HOMER1: variants seen among roughly 807,000 people sequenced by gnomAD.
HOMER1 encodes the protein homer scaffold protein 1.
In HOMER1, 3 loss-of-function variants were observed where a neutral mutation model predicts 48.9. That is an observed-to-expected ratio of 0.06 (90% CI 0.03 to 0.16). The LOEUF (loss-of-function observed/expected upper bound fraction) is 0.16, where lower values mean the gene tolerates loss of function less well. Ranked by LOEUF, HOMER1 falls within the 10% of genes least tolerant of loss-of-function variation. HOMER1 has a pLI of 1.00. For missense variants in HOMER1, 247 were observed against 411.4 expected (o/e 0.60, Z 3.46); for synonymous variants, 134 against 146.4 (o/e 0.92, Z 0.61).
At chr5:79,433,887 G>A (rs1161046255) in intron 5 of HOMER1, among the ~76,000 whole-genome samples, 4 of 152,064 alleles carry the variant, frequency 2.6e-5, no homozygotes, top group Admixed American at 6.6e-5. Context: ...TAATATTTCT[G>A]CATACATCCT....
At chr5:79,425,084 T>C (rs1350966310) in intron 5 of HOMER1, among the ~76,000 whole-genome samples, 1 of 152,040 alleles carries the variant, frequency 6.6e-6, no homozygotes, top group Non-Finnish European at 1.5e-5. Flanking sequence ...AATTTTCATG[T>C]TTCTTCCATG....
chr5:79,479,297 C>T (rs538333654), intron 1 of HOMER1, among the ~76,000 whole-genome samples: 1 of 152,096 alleles, frequency 6.6e-6, no homozygotes, highest in Non-Finnish European at 1.5e-5. Flanking sequence ...AGACCTAGAA[C>T]CTGTGAATGT....
intron 1 of HOMER1, among the ~76,000 whole-genome samples, chr5:79,479,547 G>A (rs532956601): frequency 6.6e-6 from 1 of 152,304 alleles, no homozygotes. Flanking sequence ...TGCAGTTCTA[G>A]AAGCTAGAAA....
At chr5:79,473,286 T>A (rs946633485) in intron 1 of HOMER1, among the ~76,000 whole-genome samples, 1 of 152,188 alleles carries the variant, frequency 6.6e-6, no homozygotes, top group South Asian at 2.1e-4. Context: ...CAACACAAAT[T>A]TGTAAACTTT....
At chr5:79,471,639 C>T (rs1384902674) in intron 1 of HOMER1, among the ~76,000 whole-genome samples, 2 of 151,410 alleles carry the variant, frequency 1.3e-5, no homozygotes, top group Non-Finnish European at 2.9e-5. Flanking sequence ...CATTAGAAAT[C>T]AGCTTCCGTG....
At chr5:79,400,085 A>ATTT (rs5868992) in intron 6 of HOMER1, among the ~76,000 whole-genome samples, 1 of 151,206 alleles carries the variant, frequency 6.6e-6, no homozygotes. Context: ...ATTGTCATAA[A>ATTT]TTTTTTTTTG....
intron 2 of HOMER1, among the ~76,000 whole-genome samples, chr5:79,452,733 C>T (rs566212369): frequency 1.3e-5 from 2 of 152,184 alleles, no homozygotes; most frequent in African/African-American, 2.4e-5. Context: ...TTCTCTCAGA[C>T]AGAAGATGTG....
At chr5:79,391,367 C>A (rs1749246060) in intron 8 of HOMER1, among the ~76,000 whole-genome samples, 1 of 151,730 alleles carries the variant, frequency 6.6e-6, no homozygotes, top group Non-Finnish European at 1.5e-5. Context: ...TGGGCCCAAG[C>A]AATCTTCCCG....
At chr5:79,452,348 A>G (rs577865541) in intron 2 of HOMER1, among the ~76,000 whole-genome samples, 1 of 152,352 alleles carries the variant, frequency 6.6e-6, no homozygotes, top group South Asian at 2.1e-4. Flanking sequence ...TCACCATAAT[A>G]AATTTCAATT....
In HOMER1 at chr5:79,374,055, T is replaced by C. The variant is rs1246946631; in HGVS notation, c.*1954A>G. Reference sequence around the variant, plus strand: ...TTTTTTAAATTTTTTTAACTCTTCATACTAAACTCCCTGATCCCTAGTGTT... The same window carrying C: ...TTTTTTAAATTTTTTTAACTCTTCACACTAAACTCCCTGATCCCTAGTGTT... On this transcript the variant is annotated 3_prime_UTR_variant, in exon 9 of 9. Coordinates refer to ENST00000334082, the MANE Select transcript of HOMER1 (RefSeq NM_004272.5). The C allele has an allele frequency of 6.6e-6, 1 of 152,384 alleles. No homozygotes were observed. Among genetic ancestry groups the C allele is most frequent in the African/African-American group, 2.4e-5 (1 of 41,448 alleles). The allele number at this position is 152,384 out of a possible 1,614,324, so 9.4% of individuals were successfully genotyped here.
chr5:79,435,366 G>A (rs1218915504), intron 5 of HOMER1, among the ~76,000 whole-genome samples: 5 of 152,114 alleles, frequency 3.3e-5, no homozygotes, highest in Non-Finnish European at 7.4e-5. Flanking sequence ...TAACTAATCT[G>A]ACTGACTAGA....
intron 1 of HOMER1, among the ~76,000 whole-genome samples, chr5:79,491,914 C>A (rs1752289423): frequency 6.6e-6 from 1 of 152,144 alleles, no homozygotes; most frequent in Non-Finnish European, 1.5e-5. Context: ...AAGTAACTTG[C>A]CCAAGATTAT....
chr5:79,453,099 C>G lies in HOMER1; in HGVS notation c.163-1978G>C, dbSNP rs183679557. Among the ~76,000 whole-genome samples the G allele has an allele frequency of 3.3e-4, 50 of 152,274 alleles. No individual in the cohort carries two copies. In the East Asian group the frequency reaches 8.7e-3, roughly 26 times the overall value. On this transcript the variant is annotated intron_variant, in intron 2 of 8. Coordinates refer to ENST00000334082, the MANE Select transcript of HOMER1 (RefSeq NM_004272.5). The stretch of plus-strand genomic sequence containing the variant: ...AATTACAGTCTAGAATAAAAGGAGT[C>G]AGTAAACATACAAGTAAATAAATAG...
intron 4 of HOMER1, among the ~76,000 whole-genome samples, chr5:79,441,431 A>G (rs1471744782): frequency 6.6e-6 from 1 of 152,166 alleles, no homozygotes; most frequent in African/African-American, 2.4e-5. Flanking sequence ...TGTTAATGCT[A>G]CTAAAGTAGA....
At chr5:79,396,059 G>C (rs896989513) in intron 8 of HOMER1, among the ~76,000 whole-genome samples, 2 of 152,110 alleles carry the variant, frequency 1.3e-5, no homozygotes, top group Non-Finnish European at 1.5e-5. Flanking sequence ...CGCTGAGGGT[G>C]TAAGAAAACT....
intron 1 of HOMER1, among the ~76,000 whole-genome samples, chr5:79,487,408 T>G (rs551867090): frequency 1.2e-4 from 19 of 152,294 alleles, no homozygotes; most frequent in South Asian, 2.1e-4. Flanking sequence ...TGCCTCCCTG[T>G]GTAACGCAAC....
At chr5:79,401,790 G>T in intron 6 of HOMER1, 109 bp downstream of exon 6, 1 of 1,015,350 alleles carries the variant, frequency 9.8e-7, no homozygotes, top group Non-Finnish European at 1.5e-6. Context: ...TCTATGTTCT[G>T]ACATCCTAGA....
chr5:79,456,979 T>A lies in HOMER1; in HGVS notation c.45A>T (p.Gln15His). The change falls in exon 2 of 9, where the codon CAA becomes CAT. Residue 15 changes from glutamine (Q) to histidine (H), a missense_variant. Gln to His is a conservative substitution (Grantham distance 24). Transcript: ENST00000334082. ...AGTTCTTCTTTGTGTTTGGGTCAAT[T>A]TGGAAGACATGAGCTCGAGTGCTGA... ...PIFSTRAHVF[Q>H]IDPNTKKNWV... The A allele has an allele frequency of 1.9e-6, 3 of 1,614,018 alleles. No homozygotes were observed. In the South Asian group the frequency reaches 3.3e-5, roughly 18 times the overall value.
At chr5:79,477,426 G>A (rs1751811760) in intron 1 of HOMER1, among the ~76,000 whole-genome samples, 1 of 152,168 alleles carries the variant, frequency 6.6e-6, no homozygotes, top group South Asian at 2.1e-4. Flanking sequence ...GCCAGCATGG[G>A]CTGAGCTTTT....
Sources: gnomAD v4.1 joint callset for allele counts (sites outside exome capture counted in the v4.1 genomes callset) on GRCh38, gnomAD v4.1.1 for gene constraint, MANE v1.5 for transcripts, NCBI Gene and HGNC (gene_info 2026-07-23, HGNC 2026-07-21) for gene names.